The following DTNA variants were observed in gnomAD, a reference collection of about 807,000 sequenced individuals.
DTNA encodes dystrobrevin alpha, also known as dystrophin-related protein 3.
Under a neutral mutation model 100.7 loss-of-function variants are expected in DTNA, and 43 were observed. The ratio of observed to expected loss-of-function variants is 0.43; its 90% CI spans 0.33 to 0.55. DTNA has a LOEUF of 0.55. Among genes scored for constraint, DTNA ranks in the 20% least tolerant of loss-of-function variants. DTNA has a pLI of 0.04. For missense variants in DTNA, 798 were observed against 953.9 expected (o/e 0.84, Z 2.15); for synonymous variants, 349 against 347.9 (o/e 1.00, Z -0.04).
At chr18:34,747,281 GCAT>G (rs1288131055) in intron 1 of DTNA, among the ~76,000 whole-genome samples, 1 of 152,032 alleles carries the variant, frequency 6.6e-6, no homozygotes, top group Non-Finnish European at 1.5e-5. Flanking sequence ...AACTCAACTA[GCAT>G]CATATTTCCA....
chr18:34,537,011 A>T (rs989117273), intron 1 of DTNA, among the ~76,000 whole-genome samples: 2 of 151,954 alleles, frequency 1.3e-5, no homozygotes, highest in Non-Finnish European at 2.9e-5. Context: ...TGAAAATAAA[A>T]ATTCAGGGAC....
At chr18:34,552,131 A>T (rs2045489405) in intron 1 of DTNA, among the ~76,000 whole-genome samples, 1 of 151,950 alleles carries the variant, frequency 6.6e-6, no homozygotes, top group Non-Finnish European at 1.5e-5. Context: ...CCTATGTTTA[A>T]ATTTTCTTCA....
chr18:34,824,838 A>T (rs2095817954), intron 9 of DTNA, among the ~76,000 whole-genome samples: 6 of 151,516 alleles, frequency 4.0e-5, no homozygotes, highest in Admixed American at 3.9e-4. Flanking sequence ...GAGCCACCAT[A>T]CCTGGCCACA....
In DTNA at chr18:34,831,558, A is replaced by T. The variant is rs146179530; in HGVS notation, c.1175+2069A>T. 8.3e-3 allele frequency among the ~76,000 whole-genome samples: 1,270 copies of T among 152,314 alleles called. 19 individuals are homozygous for T. The highest frequency in any genetic ancestry group is 0.028 in the African/African-American group (1,145 of 41,562). ...TGAGGTGAGCAGATCACCTGAGGTC[A>T]GGAGTTTGAGACCAGCCTGGCCAAT... On this transcript the variant is annotated intron_variant, in intron 11 of 22. Coordinates refer to ENST00000444659, the MANE Select transcript of DTNA (RefSeq NM_001386795.1).
At chr18:34,520,791 A>G (rs1362443831) in intron 1 of DTNA, among the ~76,000 whole-genome samples, 2 of 152,130 alleles carry the variant, frequency 1.3e-5, no homozygotes, top group Middle Eastern at 3.2e-3. Context: ...TTCCTAGGTA[A>G]CTACTGCTTT....
intron 14 of DTNA, among the ~76,000 whole-genome samples, chr18:34,851,096 AT>A (rs2096469515): frequency 6.6e-6 from 1 of 152,120 alleles, no homozygotes; most frequent in Admixed American, 6.6e-5. Flanking sequence ...TTAAAACTAT[AT>A]TTTTATTTAT....
chr18:34,829,456 A>C lies in DTNA; in HGVS notation c.1142A>C (p.Lys381Thr). 6.5e-7 allele frequency: 1 copy of C among 1,530,964 alleles called. No homozygotes were observed. Among genetic ancestry groups the C allele is most frequent in the East Asian group, 2.5e-5 (1 of 40,746 alleles). The allele number at this position is 1,530,964 out of a possible 1,614,324, so 94.8% of individuals were successfully genotyped here. ...SPVAEEHSLI[K>T]LYVNQLDHGA... is the part of the protein sequence containing the mutation. ...GTGGCTGAAGAGCATTCCCTCATAA[A>C]GCTGTACGTAAATCAGCTTGATCAC... The change falls in exon 11 of 23, where the codon AAG becomes ACG. Residue 381 changes from lysine to threonine, a missense_variant. Transcript: ENST00000444659.
In DTNA at chr18:34,765,951, C is replaced by T; in HGVS notation, c.68-10C>T. On this transcript the variant is annotated splice_polypyrimidine_tract_variant and intron_variant, in intron 2 of 22. Coordinates refer to ENST00000444659, the MANE Select transcript of DTNA (RefSeq NM_001386795.1). ...TGGCATACCTTATGTGTCCTTTTTCCCCGCACTAGGGGCTCAAGATCTGGA... is the reference window on the plus strand; with the variant it reads ...TGGCATACCTTATGTGTCCTTTTTCTCCGCACTAGGGGCTCAAGATCTGGA... 6.2e-7 allele frequency: 1 copy of T among 1,613,408 alleles called. No homozygotes were observed. Among genetic ancestry groups the T allele is most frequent in the Non-Finnish European group, 8.5e-7 (1 of 1,179,586 alleles).
chr18:34,578,529 G>A (rs186327304), intron 1 of DTNA, among the ~76,000 whole-genome samples: 217 of 151,996 alleles, frequency 1.4e-3, no homozygotes, highest in African/African-American at 1.9e-3. Context: ...GTCCTTGGTC[G>A]TGAAATTCTT....
intron 1 of DTNA, among the ~76,000 whole-genome samples, chr18:34,562,113 T>G (rs1423765959): frequency 4.6e-5 from 7 of 152,246 alleles, no homozygotes; most frequent in African/African-American, 1.4e-4. Context: ...CATTAACTGT[T>G]GCTTTACTGT....
At chr18:34,592,890 A>G (rs1444592496) in intron 1 of DTNA, among the ~76,000 whole-genome samples, 3 of 152,146 alleles carry the variant, frequency 2.0e-5, no homozygotes, top group African/African-American at 7.2e-5. Flanking sequence ...CAAAGTTAAG[A>G]AAAAAAATTT....
chr18:34,827,674 G>C lies in DTNA; in HGVS notation c.1083G>C (p.Arg361Ser). Residue 361 changes from arginine to serine, a missense_variant and splice_region_variant, in exon 10 of 23, where the codon AGG (arginine) becomes AGC (serine). Arg to Ser is a moderately radical substitution (Grantham distance 110, BLOSUM62 -1). Around this residue, in one of 6 missense-constraint regions of DTNA, gnomAD observed 93 missense variants for 90.5 expected, o/e 1.03. Coordinates refer to ENST00000444659, the MANE Select transcript of DTNA (RefSeq NM_001386795.1). ...CCTCAGGAAGTCCTTTTATTACCAGGAGGTAAGTTCCAACCCTATTATAAA... is the reference window on the plus strand; with the variant it reads ...CCTCAGGAAGTCCTTTTATTACCAGCAGGTAAGTTCCAACCCTATTATAAA... ...VPSSGSPFIT[R>S]RLPEGISASS... 6.2e-7 allele frequency: 1 copy of C among 1,613,632 alleles called. No individual in the cohort carries two copies.
At chr18:34,664,061 T>A (rs1449543853) in intron 1 of DTNA, among the ~76,000 whole-genome samples, 1 of 152,146 alleles carries the variant, frequency 6.6e-6, no homozygotes, top group Non-Finnish European at 1.5e-5. Context: ...CTTGTTGAAT[T>A]TCACTGTTGT....
intron 21 of DTNA, 79 bp from the exon 22 acceptor site, chr18:34,884,649 C>T (rs377039245): frequency 1.1e-4 from 173 of 1,511,568 alleles, no homozygotes; most frequent in African/African-American, 3.0e-4. Context: ...CATGGCTTCC[C>T]GCCAAATAAT....
intron 1 of DTNA, among the ~76,000 whole-genome samples, chr18:34,673,625 G>A (rs2077040798): frequency 1.3e-5 from 2 of 151,906 alleles, no homozygotes; most frequent in Admixed American, 1.3e-4. Flanking sequence ...ATACCCAACT[G>A]AACTGATATT....
At chr18:34,813,999 T>C (rs1217573971) in intron 6 of DTNA, among the ~76,000 whole-genome samples, 2 of 152,222 alleles carry the variant, frequency 1.3e-5, no homozygotes, top group Non-Finnish European at 2.9e-5. Flanking sequence ...ATCTGATTTA[T>C]GGCTTGCAAC....
intron 1 of DTNA, among the ~76,000 whole-genome samples, chr18:34,634,813 T>G (rs1386177254): frequency 2.0e-5 from 3 of 152,202 alleles, no homozygotes; most frequent in African/African-American, 7.2e-5. Flanking sequence ...CCTCCTTTTT[T>G]GTAGTGAAAA....
intron 1 of DTNA, among the ~76,000 whole-genome samples, chr18:34,664,773 AT>A (rs2075670393): frequency 6.6e-6 from 1 of 152,110 alleles, no homozygotes; most frequent in Non-Finnish European, 1.5e-5. Context: ...ATAAATAAAT[AT>A]TTTTAAAGTT....
Position 34,544,561 on chromosome 18 carries a change from A to C in DTNA, c.-2+51047A>C, listed in dbSNP as rs538570540. ...TGTGGACCTTCTATGGAACGTTCTA[A>C]ACTTTAGTTGACATAACAATTTTAA... is the stretch of plus-strand genomic sequence containing the variant. On this transcript the variant is annotated intron_variant, in intron 1 of 19. Coordinates refer to the DTNA transcript ENST00000283365. Among the ~76,000 whole-genome samples the C allele has an allele frequency of 5.9e-5, 9 of 152,278 alleles. No individual in the cohort carries two copies. In the South Asian group the frequency reaches 1.2e-3, roughly 21 times the overall value.
Sources: gnomAD v4.1 joint callset for allele counts (sites outside exome capture counted in the v4.1 genomes callset) on GRCh38, gnomAD v4.1.1 for gene constraint, gnomAD v4.1.1 regional missense constraint, MANE v1.5 for transcripts, NCBI Gene and HGNC (gene_info 2026-07-23, HGNC 2026-07-21) for gene names.